The following ST6GALNAC3 variants were observed in gnomAD, a reference collection of about 807,000 sequenced individuals.
The protein encoded by ST6GALNAC3 is alpha-N-acetylgalactosaminide alpha-2,6-sialyltransferase 3.
A neutral mutation model predicts 32.7 loss-of-function variants in ST6GALNAC3; 25 were observed. The ratio of observed to expected loss-of-function variants is 0.76; its 90% CI spans 0.56 to 1.07. The LOEUF is 1.07. ST6GALNAC3 is among the 50% of genes least tolerant of loss of function. ST6GALNAC3 has a pLI of 0.00. For synonymous variants in ST6GALNAC3, 129 were observed against 133.1 expected, an observed-to-expected ratio of 0.97 and a Z score of 0.21; for missense variants, 355 against 382.4, an observed-to-expected ratio of 0.93 and a Z score of 0.60.
At chr1:76,598,281 A>G (rs925378864) in intron 3 of ST6GALNAC3, among the ~76,000 whole-genome samples, 3 of 152,138 alleles carry the variant, frequency 2.0e-5, no homozygotes, top group Admixed American at 6.5e-5. Context: ...CATTCAGCCT[A>G]TAGCCATAAC....
chr1:76,356,213 T>G (rs541538208), intron 2 of ST6GALNAC3, among the ~76,000 whole-genome samples: 1 of 152,264 alleles, frequency 6.6e-6, no homozygotes, highest in South Asian at 2.1e-4. Context: ...GGATTGTATC[T>G]CCTGGATATT....
At chr1:76,409,833 T>C (rs1654094580) in intron 2 of ST6GALNAC3, among the ~76,000 whole-genome samples, 1 of 152,160 alleles carries the variant, frequency 6.6e-6, no homozygotes, top group Admixed American at 6.6e-5. Context: ...TAAATCATTT[T>C]GTCCATTCTT....
intron 1 of ST6GALNAC3, among the ~76,000 whole-genome samples, chr1:76,204,843 C>T (rs2100552107): frequency 6.6e-6 from 1 of 152,294 alleles, no homozygotes; most frequent in South Asian, 2.1e-4. Context: ...ATTTTCATAG[C>T]ACTTCATCTG....
At position 76,536,917 on chromosome 1, in the gene ST6GALNAC3, T is replaced by C. The variant is rs780252157; in HGVS notation, c.624-90535T>C. 2.9e-4 allele frequency among the ~76,000 whole-genome samples: 44 copies of C among 152,124 alleles called. 1 individual carries two copies. Among genetic ancestry groups the C allele is most frequent in the Admixed American group, 1.3e-4 (2 of 15,264 alleles). On this transcript the variant is annotated intron_variant, in intron 3 of 4. Transcript: ENST00000328299. Reference sequence around the variant, plus strand: ...GACTTTTACACCCCACTGTCAATATTAGACAGATCAACGAGTCAGAAAATT... The same window carrying C: ...GACTTTTACACCCCACTGTCAATATCAGACAGATCAACGAGTCAGAAAATT...
At chr1:76,447,727 G>T (rs1273593258) in intron 3 of ST6GALNAC3, among the ~76,000 whole-genome samples, 1 of 152,188 alleles carries the variant, frequency 6.6e-6, no homozygotes, top group African/African-American at 2.4e-5. Context: ...GCTTCAGAGA[G>T]TGGAAGCCGC....
rs77507281 is a variant in ST6GALNAC3, at chr1:76,351,946, G to A, written c.213+37947G>A. Among the ~76,000 whole-genome samples, 1,263 of 152,180 alleles carry A rather than the reference G, an allele frequency of 8.3e-3. 23 individuals are homozygous for A. Among genetic ancestry groups the A allele is most frequent in the African/African-American group, 0.029 (1,187 of 41,518 alleles). On this transcript the variant is annotated intron_variant, in intron 2 of 4. Transcript: ENST00000328299. Reference sequence around the variant, plus strand: ...GTTGAGGAGGTTGGGGTGGGGGAAGGTCAAAAGGCTTTTGATATTATAAAT... The same window carrying A: ...GTTGAGGAGGTTGGGGTGGGGGAAGATCAAAAGGCTTTTGATATTATAAAT...
At chr1:76,132,145 C>A (rs1434828223) in intron 1 of ST6GALNAC3, among the ~76,000 whole-genome samples, 2 of 152,190 alleles carry the variant, frequency 1.3e-5, no homozygotes, top group East Asian at 1.9e-4. Flanking sequence ...CCGTCCACCC[C>A]CACAGGGCAC....
chr1:76,256,535 A>G (rs1047565406), intron 1 of ST6GALNAC3, among the ~76,000 whole-genome samples: 5 of 152,112 alleles, frequency 3.3e-5, no homozygotes, highest in Non-Finnish European at 7.4e-5. Context: ...AATTGTATCA[A>G]CTGAATATAA....
intron 2 of ST6GALNAC3, among the ~76,000 whole-genome samples, chr1:76,388,004 C>A (rs1652231640): frequency 6.6e-6 from 1 of 152,102 alleles, no homozygotes; most frequent in Admixed American, 6.5e-5. Context: ...TTTCTTCTGA[C>A]TCCTTGGCCT....
At chr1:76,593,216 A>G (rs1273930468) in intron 3 of ST6GALNAC3, among the ~76,000 whole-genome samples, 1 of 152,202 alleles carries the variant, frequency 6.6e-6, no homozygotes, top group Admixed American at 6.5e-5. Context: ...TGTAATTAGT[A>G]TGATGTCTTT....
At chr1:76,260,873 G>A (rs986847480) in intron 1 of ST6GALNAC3, among the ~76,000 whole-genome samples, 10 of 151,586 alleles carry the variant, frequency 6.6e-5, no homozygotes, top group Admixed American at 3.3e-4. Context: ...AAGGACATCC[G>A]TCCAAGTTAA....
chr1:76,095,822 C>G (rs1352272748), intron 1 of ST6GALNAC3, among the ~76,000 whole-genome samples: 1 of 152,206 alleles, frequency 6.6e-6, no homozygotes, highest in African/African-American at 2.4e-5. Context: ...TCCACTCCCT[C>G]CATCTCCAAT....
chr1:76,525,611 A>T (rs1662818621), intron 3 of ST6GALNAC3, among the ~76,000 whole-genome samples: 1 of 151,506 alleles, frequency 6.6e-6, no homozygotes, highest in Non-Finnish European at 1.5e-5. Flanking sequence ...TACTGGTACA[A>T]GAGGCACCAC....
intron 3 of ST6GALNAC3, among the ~76,000 whole-genome samples, chr1:76,585,997 C>G (rs972028533): frequency 3.3e-5 from 5 of 152,112 alleles, no homozygotes; most frequent in Admixed American, 6.5e-5. Flanking sequence ...GTTCTACAAC[C>G]AAAAATGCTT....
chr1:76,444,925 C>T (rs1323653053), intron 3 of ST6GALNAC3, among the ~76,000 whole-genome samples: 2 of 152,116 alleles, frequency 1.3e-5, no homozygotes, highest in African/African-American at 4.8e-5. Flanking sequence ...ATAACTTTCT[C>T]ATTTGTCCAT....
chr1:76,617,376 C>G (rs1368975450), intron 3 of ST6GALNAC3, among the ~76,000 whole-genome samples: 1 of 148,554 alleles, frequency 6.7e-6, no homozygotes, highest in Non-Finnish European at 1.5e-5. Context: ...TTTTTTAAGT[C>G]ATAGGAAAGT....
At chr1:76,608,124 C>T (rs950176856) in intron 3 of ST6GALNAC3, among the ~76,000 whole-genome samples, 3 of 152,184 alleles carry the variant, frequency 2.0e-5, no homozygotes, top group East Asian at 1.9e-4. Flanking sequence ...ATAGCAAGTG[C>T]TTCCCAAGCC....
At chr1:76,576,722 G>A (rs912446862) in intron 3 of ST6GALNAC3, 7 of 723,204 alleles carry the variant, frequency 9.7e-6, no homozygotes, top group Admixed American at 2.6e-5. Flanking sequence ...AAAGCTCTGG[G>A]GAGCCTGATT....
chr1:76,168,156 T>C (rs1425336892), intron 1 of ST6GALNAC3, among the ~76,000 whole-genome samples: 1 of 152,092 alleles, frequency 6.6e-6, no homozygotes. Flanking sequence ...ACTGCCTTAG[T>C]TGTGTCTCAG....
Sources: gnomAD v4.1 joint callset for allele counts (sites outside exome capture counted in the v4.1 genomes callset) on GRCh38, gnomAD v4.1.1 for gene constraint, MANE v1.5 for transcripts, NCBI Gene and HGNC (gene_info 2026-07-23, HGNC 2026-07-21) for gene names.